ZNRF4: variants seen among roughly 807,000 people sequenced by gnomAD.
The protein encoded by ZNRF4 is E3 ubiquitin-protein ligase ZNRF4.
For missense variants in ZNRF4, 569 were observed against 609.4 expected, an observed-to-expected ratio of 0.93 and a Z score of 0.70; for synonymous variants, 291 against 285.9, an observed-to-expected ratio of 1.02 and a Z score of -0.18.
chr19:5,455,596 G>C lies in ZNRF4; in HGVS notation c.105G>C (p.Ser35=), dbSNP rs757342883. The C allele has an allele frequency of 4.3e-6, 7 of 1,612,054 alleles. No homozygotes were observed. Among genetic ancestry groups the C allele is most frequent in the East Asian group, 2.2e-5 (1 of 44,878 alleles). The change falls in exon 1 of 1, where the codon TCG becomes TCC. Residue 35 remains serine (S), a synonymous_variant. Transcript: ENST00000222033. ...CGGTCATTCCAACTCAACTGCCCTC[G>C]CGTCCTGGCCACAGGCCCCCTGGGA... The part of the protein sequence containing the change: ...SHAVIPTQLP[S]RPGHRPPGRP...
rs754163190 is a variant in ZNRF4 at position 5,455,548 on chromosome 19, C to A, written c.57C>A (p.Ala19=). ...LMPRASRVPV[A]ASLPLSHAVI... is the part of the protein sequence containing the mutation. ...CTAGAGCCAGCAGGGTCCCAGTGGC[C>A]GCGTCACTGCCTCTGAGCCACGCGG... is the stretch of plus-strand genomic sequence containing the variant. Residue 19 remains alanine (A), a synonymous_variant, in exon 1 of 1, where the codon GCC becomes GCA. Coordinates refer to ENST00000222033, the MANE Select transcript of ZNRF4 (RefSeq NM_181710.4). 2 of 1,612,626 alleles carry A rather than the reference C, an allele frequency of 1.2e-6. No homozygotes were observed. Among genetic ancestry groups the A allele is most frequent in the Non-Finnish European group, 1.7e-6 (2 of 1,179,984 alleles).
chr19:5,456,623 G>C lies in ZNRF4; in HGVS notation c.1132G>C (p.Gly378Arg). The C allele has an allele frequency of 6.2e-7, 1 of 1,613,326 alleles. No individual in the cohort carries two copies. Among genetic ancestry groups the C allele is most frequent in the Non-Finnish European group, 8.5e-7 (1 of 1,179,420 alleles). The change falls in exon 1 of 1, where the codon GGC becomes CGC. Residue 378 changes from glycine (G) to arginine (R), a missense_variant. Physicochemically the swap from Gly to Arg is moderately radical, Grantham distance 125 (BLOSUM62 -2). Coordinates refer to ENST00000222033, the MANE Select transcript of ZNRF4 (RefSeq NM_181710.4). The part of the protein sequence containing the change: ...SFRDEDPSLP[G>R]HRPPIWAIQV... ...CAGGGACGAGGACCCCTCCCTACCG[G>C]GCCACCGGCCCCCCATCTGGGCCAT...
Position 5,455,588 on chromosome 19 carries a change from C to T in ZNRF4, c.97C>T (p.Leu33=). 9 of 1,612,330 alleles carry T rather than the reference C, an allele frequency of 5.6e-6. No individual in the cohort carries two copies. The highest frequency in any genetic ancestry group is 7.6e-6 in the Non-Finnish European group (9 of 1,180,018). ...PLSHAVIPTQ[L]PSRPGHRPPG... is the part of the protein sequence containing the mutation. ...GAGCCACGCGGTCATTCCAACTCAA[C>T]TGCCCTCGCGTCCTGGCCACAGGCC... The change falls in exon 1 of 1, where the codon CTG becomes TTG. Residue 33 remains leucine, a synonymous_variant. Coordinates refer to ENST00000222033, the MANE Select transcript of ZNRF4 (RefSeq NM_181710.4).
chr19:5,456,268 C>G lies in ZNRF4; in HGVS notation c.777C>G (p.Gly259=). The G allele has an allele frequency of 6.2e-7, 1 of 1,613,522 alleles. No homozygotes were observed. The highest frequency in any genetic ancestry group is 8.5e-7 in the Non-Finnish European group (1 of 1,180,040). The change falls in exon 1 of 1, where the codon GGC becomes GGG. Residue 259 remains glycine, a synonymous_variant. Coordinates refer to ENST00000222033, the MANE Select transcript of ZNRF4 (RefSeq NM_181710.4). ...TGCTGACCGTGTCCTGGGTGCTGGG[C>G]TGTACCCTGGCCCTGGTCGTATCAG... ...HPVLTVSWVL[G]CTLALVVSAF... is the part of the protein sequence containing the mutation.
At position 5,455,896 on chromosome 19, in the gene ZNRF4, G is replaced by C. The variant is rs1161450350; in HGVS notation, c.405G>C (p.Glu135Asp). 2.5e-6 allele frequency: 4 copies of C among 1,602,340 alleles called. No homozygotes were observed. The highest frequency in any genetic ancestry group is 1.7e-5 in the Admixed American group (1 of 59,970). ...AGGGCATACGGGGCTACCTGATGGAGGTCAAGCCAGCCAACGCGTGCCATC... is the reference window on the plus strand; with the variant it reads ...AGGGCATACGGGGCTACCTGATGGACGTCAAGCCAGCCAACGCGTGCCATC... ...APEGIRGYLM[E>D]VKPANACHPI... is the part of the protein sequence containing the mutation. The change falls in exon 1 of 1, where the codon GAG becomes GAC. Residue 135 changes from glutamate to aspartate, a missense_variant. Coordinates refer to ENST00000222033, the MANE Select transcript of ZNRF4 (RefSeq NM_181710.4).
In ZNRF4 at chr19:5,456,137, G is replaced by C. The variant is rs541728675; in HGVS notation, c.646G>C (p.Glu216Gln). Residue 216 changes from glutamate (E) to glutamine (Q), a missense_variant, in exon 1 of 1, where the codon GAG becomes CAG. Glu to Gln is a conservative substitution (Grantham distance 29). Coordinates refer to ENST00000222033, the MANE Select transcript of ZNRF4 (RefSeq NM_181710.4). ...CGCCATCCCCTCAGTGTTCGTGAGC[G>C]AGGCCGCCTCGCAGGACCTGCGGGT... ...QIAIPSVFVS[E>Q]AASQDLRVIL... is the part of the protein sequence containing the mutation. 1 of 1,607,126 alleles carries C rather than the reference G, an allele frequency of 6.2e-7. No individual in the cohort carries two copies.
chr19:5,455,788 G>A lies in ZNRF4; in HGVS notation c.297G>A (p.Val99=). 1 of 1,603,862 alleles carries A rather than the reference G, an allele frequency of 6.2e-7. No homozygotes were observed. Residue 99 remains valine (V), a synonymous_variant, in exon 1 of 1, where the codon GTG becomes GTA. Coordinates refer to ENST00000222033, the MANE Select transcript of ZNRF4 (RefSeq NM_181710.4). ...TGCTCCAGGTGCCCGCGCAGGCAGT[G>A]GTACGGGCCGTGCTGGAAGACAACT... The part of the protein sequence containing the change: ...LSLLQVPAQA[V]VRAVLEDNSS...
rs746521467 is a variant in ZNRF4 at position 5,456,011 on chromosome 19, A to T, written c.520A>T (p.Asn174Tyr). The T allele has an allele frequency of 1.2e-5, 19 of 1,600,898 alleles. No individual in the cohort carries two copies. In the East Asian group the frequency reaches 4.2e-4, roughly 36 times the overall value. The change falls in exon 1 of 1, where the codon AAC (asparagine) becomes TAC (tyrosine). Residue 174 changes from asparagine to tyrosine, a missense_variant. By Grantham distance (143) the Asn-to-Tyr change is moderately radical (BLOSUM62 -2). Transcript: ENST00000222033. ...YDCTFDLKVL[N>Y]AQRAGFEAAI... ...CTGCACCTTCGACCTCAAGGTGCTG[A>T]ACGCCCAGCGCGCCGGCTTCGAGGC...
Position 5,456,399 on chromosome 19 carries a change from C to A in ZNRF4, c.908C>A (p.Thr303Lys), listed in dbSNP as rs762492575. The change falls in exon 1 of 1, where the codon ACG becomes AAG. Residue 303 changes from threonine (T) to lysine (K), a missense_variant. Transcript: ENST00000222033. ...CAGAAGGCCCAGGTCCGCACCTTCA[C>A]GTGGCACAACGACCTGTGTGCCATC... ...TCQKAQVRTF[T>K]WHNDLCAICL... The A allele has an allele frequency of 6.7e-5, 108 of 1,613,358 alleles. No individual in the cohort carries two copies. Among genetic ancestry groups the A allele is most frequent in the Non-Finnish European group, 9.0e-5 (106 of 1,180,046 alleles).
rs753189241 is a variant in ZNRF4, at chr19:5,455,536, G to A, written c.45G>A (p.Arg15=). 12 of 1,612,748 alleles carry A rather than the reference G, an allele frequency of 7.4e-6. No homozygotes were observed. The South Asian group carries it at 1.3e-4, about 18-fold the overall frequency. ...RPEHLMPRAS[R]VPVAASLPLS... is the part of the protein sequence containing the mutation. ...AGCACTTAATGCCTAGAGCCAGCAGGGTCCCAGTGGCCGCGTCACTGCCTC... is the reference window on the plus strand; with the variant it reads ...AGCACTTAATGCCTAGAGCCAGCAGAGTCCCAGTGGCCGCGTCACTGCCTC... Residue 15 remains arginine, a synonymous_variant, in exon 1 of 1, where the codon AGG becomes AGA. Transcript: ENST00000222033.
In ZNRF4 at chr19:5,456,520, C is replaced by A. The variant is rs751309360; in HGVS notation, c.1029C>A (p.Ala343=). 1.9e-6 allele frequency: 3 copies of A among 1,614,060 alleles called. No homozygotes were observed. The highest frequency in any genetic ancestry group is 2.7e-5 in the African/African-American group (2 of 74,940). Residue 343 remains alanine (A), a synonymous_variant, in exon 1 of 1, where the codon GCC becomes GCA. Transcript: ENST00000222033. ...GCATTGACCCCTGGTTCTCCCAAGC[C>A]CCCCGGCGCTCCTGCCCCGTGTGCA... ...CKCIDPWFSQ[A]PRRSCPVCKQ...
At position 5,456,412 on chromosome 19, in the gene ZNRF4, C is replaced by T. The variant is rs889792431; in HGVS notation, c.921C>T (p.Asp307=). ...TCCGCACCTTCACGTGGCACAACGACCTGTGTGCCATCTGCCTGGATGAGT... is the reference window on the plus strand; with the variant it reads ...TCCGCACCTTCACGTGGCACAACGATCTGTGTGCCATCTGCCTGGATGAGT... ...AQVRTFTWHN[D]LCAICLDEYE... is the part of the protein sequence containing the mutation. The change falls in exon 1 of 1, where the codon GAC becomes GAT. Residue 307 remains aspartate (D), a synonymous_variant. Coordinates refer to ENST00000222033, the MANE Select transcript of ZNRF4 (RefSeq NM_181710.4). 1.2e-6 allele frequency: 2 copies of T among 1,613,638 alleles called. No homozygotes were observed. Among genetic ancestry groups the T allele is most frequent in the East Asian group, 2.2e-5 (1 of 44,880 alleles).
Position 5,456,268 on chromosome 19 carries a change from C to T in ZNRF4, c.777C>T (p.Gly259=), listed in dbSNP as rs1192801711. Reference sequence around the variant, plus strand: ...TGCTGACCGTGTCCTGGGTGCTGGGCTGTACCCTGGCCCTGGTCGTATCAG... The same window carrying T: ...TGCTGACCGTGTCCTGGGTGCTGGGTTGTACCCTGGCCCTGGTCGTATCAG... The part of the protein sequence containing the change: ...HPVLTVSWVL[G]CTLALVVSAF... Residue 259 remains glycine (G), a synonymous_variant, in exon 1 of 1, where the codon GGC becomes GGT. Coordinates refer to ENST00000222033, the MANE Select transcript of ZNRF4 (RefSeq NM_181710.4). 6.2e-7 allele frequency: 1 copy of T among 1,613,404 alleles called. No homozygotes were observed. The highest frequency in any genetic ancestry group is 1.3e-5 in the African/African-American group (1 of 74,926).
Position 5,456,136 on chromosome 19 carries a change from C to T in ZNRF4, c.645C>T (p.Ser215=), listed in dbSNP as rs545416660. ...TCGCCATCCCCTCAGTGTTCGTGAGCGAGGCCGCCTCGCAGGACCTGCGGG... is the reference window on the plus strand; with the variant it reads ...TCGCCATCCCCTCAGTGTTCGTGAGTGAGGCCGCCTCGCAGGACCTGCGGG... ...GQIAIPSVFV[S]EAASQDLRVI... Residue 215 remains serine, a synonymous_variant, in exon 1 of 1, where the codon AGC becomes AGT. Transcript: ENST00000222033. 8 of 1,606,816 alleles carry T rather than the reference C, an allele frequency of 5.0e-6. No individual in the cohort carries two copies. In the African/African-American group the frequency reaches 5.3e-5, roughly 11 times the overall value.
In ZNRF4 at chr19:5,456,585, C is replaced by T. The variant is rs749218644; in HGVS notation, c.1094C>T (p.Thr365Ile). 1.9e-6 allele frequency: 3 copies of T among 1,613,546 alleles called. No homozygotes were observed. Among genetic ancestry groups the T allele is most frequent in the East Asian group, 2.2e-5 (1 of 44,878 alleles). Residue 365 changes from threonine to isoleucine, a missense_variant, in exon 1 of 1, where the codon ACC becomes ATC. Coordinates refer to ENST00000222033, the MANE Select transcript of ZNRF4 (RefSeq NM_181710.4). ...GCCACAGAAGACAGCTTTGACTCCA[C>T]CACCTACAGCTTCAGGGACGAGGAC... ...VAATEDSFDSTTYSFRDEDPS... is the reference protein window; with the variant it reads ...VAATEDSFDSITYSFRDEDPS...
At position 5,456,674 on chromosome 19, in the gene ZNRF4, C is replaced by A. The variant is rs1238781335; in HGVS notation, c.1183C>A (p.Leu395Met). 2.5e-6 allele frequency: 4 copies of A among 1,613,494 alleles called. No individual in the cohort carries two copies. Among genetic ancestry groups the A allele is most frequent in the Non-Finnish European group, 3.4e-6 (4 of 1,179,640 alleles). Residue 395 changes from leucine (L) to methionine (M), a missense_variant, in exon 1 of 1, where the codon CTG becomes ATG. By Grantham distance (15) the Leu-to-Met change is conservative (BLOSUM62 2). Transcript: ENST00000222033. ...TCAAGTCCAGCTACGCTCCCGGAGG[C>A]TGGAGCTGCTGGGCCGCGCCAGTCC... ...AIQVQLRSRR[L>M]ELLGRASPHC...
In ZNRF4 at chr19:5,456,637, C is replaced by T. The variant is rs369597361; in HGVS notation, c.1146C>T (p.Pro382=). 2.8e-5 allele frequency: 45 copies of T among 1,613,696 alleles called. No homozygotes were observed. The highest frequency in any genetic ancestry group is 1.6e-4 in the Middle Eastern group (1 of 6,082). ...CCTCCCTACCGGGCCACCGGCCCCC[C>T]ATCTGGGCCATTCAAGTCCAGCTAC... ...EDPSLPGHRP[P]IWAIQVQLRS... is the part of the protein sequence containing the mutation. The change falls in exon 1 of 1, where the codon CCC becomes CCT. Residue 382 remains proline (P), a synonymous_variant. Transcript: ENST00000222033.
rs759636059 is a variant in ZNRF4 at position 5,456,798 on chromosome 19, G to C, written c.*17G>C. 2 of 1,516,788 alleles carry C rather than the reference G, an allele frequency of 1.3e-6. No homozygotes were observed. The highest frequency in any genetic ancestry group is 2.2e-5 in the Admixed American group (1 of 45,084). 94.0% of individuals were successfully genotyped at this position (1,516,788 alleles called of 1,614,324 possible). A position where few individuals can be genotyped will look rare whatever the true frequency, so the allele number is the denominator to read the frequency against. ...GGTCAGTAAAGATCTAGGGCAGGGAGGGGGGTGCAATGAGGAATGTTTCTG... is the reference window on the plus strand; with the variant it reads ...GGTCAGTAAAGATCTAGGGCAGGGACGGGGGTGCAATGAGGAATGTTTCTG... On this transcript the variant is annotated 3_prime_UTR_variant, in exon 1 of 1. Transcript: ENST00000222033.
chr19:5,456,844 G>T lies in ZNRF4; in HGVS notation c.*63G>T. 7.0e-7 allele frequency: 1 copy of T among 1,434,856 alleles called. No individual in the cohort carries two copies. Among genetic ancestry groups the T allele is most frequent in the Non-Finnish European group, 9.2e-7 (1 of 1,084,140 alleles). The allele number at this position is 1,434,856 out of a possible 1,614,324, so 88.9% of individuals were successfully genotyped here. ...TTCTGGTCTGAAAAGAATAAAGTGG[G>T]TTTGAAAGCGGATTCTCAGCCTCGC... On this transcript the variant is annotated 3_prime_UTR_variant, in exon 1 of 1. Coordinates refer to ENST00000222033, the MANE Select transcript of ZNRF4 (RefSeq NM_181710.4).
Sources: allele counts gnomAD v4.1 joint callset, GRCh38; gene constraint gnomAD v4.1.1; transcripts MANE v1.5; gene names NCBI Gene and HGNC (gene_info 2026-07-23, HGNC 2026-07-21).